CNTNAP2: variants seen among roughly 807,000 people sequenced by gnomAD.
The protein encoded by CNTNAP2 is contactin-associated protein-like 2.
Under a neutral mutation model 155.2 loss-of-function variants are expected in CNTNAP2, and 98 were observed. The ratio of observed to expected loss-of-function variants is 0.63; its 90% CI spans 0.54 to 0.75. The LOEUF (loss-of-function observed/expected upper bound fraction) is 0.75, where lower values mean the gene tolerates loss of function less well. CNTNAP2 is among the 30% of genes least tolerant of loss of function. The pLI is 0.00. For synonymous variants in CNTNAP2, 651 were observed against 631.2 expected, an observed-to-expected ratio of 1.03 and a Z score of -0.47; for missense variants, 1,727 against 1,688.1, an observed-to-expected ratio of 1.02 and a Z score of -0.40.
chr7:147,686,435 T>C (rs1476068827), intron 13 of CNTNAP2, among the ~76,000 whole-genome samples: 1 of 152,082 alleles, frequency 6.6e-6, no homozygotes, highest in East Asian at 1.9e-4. Flanking sequence ...ATTGAGTAGA[T>C]GATTGCATAT....
At chr7:146,851,442 G>A (rs1197927070) in intron 3 of CNTNAP2, among the ~76,000 whole-genome samples, 1 of 151,814 alleles carries the variant, frequency 6.6e-6, no homozygotes, top group Non-Finnish European at 1.5e-5. Flanking sequence ...AGTTTGCTAG[G>A]GCTGCCATCA....
intron 1 of CNTNAP2, among the ~76,000 whole-genome samples, chr7:146,153,392 A>G (rs113794939): frequency 0.015 from 2,325 of 152,214 alleles, 52 homozygotes; most frequent in African/African-American, 0.052. Context: ...CCAAATTTCT[A>G]TATGAAACAT....
chr7:148,000,793 G>T (rs1000292106), intron 15 of CNTNAP2, among the ~76,000 whole-genome samples: 8 of 152,208 alleles, frequency 5.3e-5, no homozygotes, highest in Admixed American at 4.6e-4. Context: ...GTCTGCCTTA[G>T]CAAATTACCA....
At chr7:147,980,957 G>C (rs954082301) in intron 15 of CNTNAP2, among the ~76,000 whole-genome samples, 1 of 120,226 alleles carries the variant, frequency 8.3e-6, no homozygotes, top group Non-Finnish European at 1.8e-5. Flanking sequence ...AAAAAAAAAA[G>C]AATGTTCTCA....
At position 147,903,604 on chromosome 7, in the gene CNTNAP2, A is replaced by G. The variant is rs766036608; in HGVS notation, c.2138A>G (p.Glu713Gly). 1.9e-5 allele frequency: 30 copies of G among 1,614,110 alleles called. 1 individual carries two copies. Among genetic ancestry groups the G allele is most frequent in the Non-Finnish European group, 2.3e-5 (27 of 1,180,026 alleles). The stretch of plus-strand genomic sequence containing the variant: ...ACTTGGTGGGTTGGCAAAGCCAACG[A>G]GAAGCACTACTACTGGGGAGGCTCT... ...PYTWWVGKAN[E>G]KHYYWGGSGP... Residue 713 changes from glutamate to glycine, a missense_variant, in exon 14 of 24, where the codon GAG becomes GGG. Glu to Gly is a moderately conservative substitution (Grantham distance 98, BLOSUM62 -2). Transcript: ENST00000361727.
chr7:147,473,282 G>C (rs1343957242), intron 10 of CNTNAP2, among the ~76,000 whole-genome samples: 1 of 152,136 alleles, frequency 6.6e-6, no homozygotes, highest in Non-Finnish European at 1.5e-5. Flanking sequence ...GGAGAGTTTT[G>C]TCATTTGTTT....
At chr7:146,749,241 C>T (rs1563215289) in intron 1 of CNTNAP2, among the ~76,000 whole-genome samples, 1 of 151,918 alleles carries the variant, frequency 6.6e-6, no homozygotes, top group East Asian at 1.9e-4. Flanking sequence ...ATATTTGTAT[C>T]TATACATATA....
intron 21 of CNTNAP2, among the ~76,000 whole-genome samples, chr7:148,298,757 T>C (rs1797328781): frequency 1.3e-5 from 2 of 152,264 alleles, no homozygotes; most frequent in South Asian, 4.1e-4. Context: ...AGTGGTACAA[T>C]CATGGCTTAC....
chr7:146,968,072 T>TG (rs1189598013), intron 3 of CNTNAP2, among the ~76,000 whole-genome samples: 1 of 150,496 alleles, frequency 6.6e-6, no homozygotes, highest in East Asian at 1.9e-4. Context: ...GATAATCATG[T>TG]GTTTTTTGTC....
At chr7:147,968,693 T>C (rs975337802) in intron 14 of CNTNAP2, among the ~76,000 whole-genome samples, 6 of 152,140 alleles carry the variant, frequency 3.9e-5, no homozygotes, top group Admixed American at 1.3e-4. Context: ...GGGTTTCCCT[T>C]TTAAGAACAT....
chr7:148,131,371 ACAGG>A (rs1388108705), intron 16 of CNTNAP2, among the ~76,000 whole-genome samples: 6 of 152,168 alleles, frequency 3.9e-5, no homozygotes, highest in African/African-American at 1.4e-4. Flanking sequence ...TGCTGGGATT[ACAGG>A]CATAAGCCAC....
At chr7:148,335,801 T>C (rs1273978515) in intron 21 of CNTNAP2, among the ~76,000 whole-genome samples, 3 of 152,260 alleles carry the variant, frequency 2.0e-5, no homozygotes, top group Non-Finnish European at 4.4e-5. Flanking sequence ...TTACTTAACA[T>C]TGCCTTAGCC....
chr7:147,267,014 A>G (rs993908129), intron 8 of CNTNAP2, among the ~76,000 whole-genome samples: 1 of 151,616 alleles, frequency 6.6e-6, no homozygotes, highest in Non-Finnish European at 1.5e-5. Context: ...CTACATATCA[A>G]ACCCATCTAC....
chr7:146,893,434 T>C (rs1372423770), intron 3 of CNTNAP2, among the ~76,000 whole-genome samples: 1 of 149,848 alleles, frequency 6.7e-6, no homozygotes, highest in Non-Finnish European at 1.5e-5. Context: ...TATACATATG[T>C]GTGTGTATGT....
intron 8 of CNTNAP2, among the ~76,000 whole-genome samples, chr7:147,135,847 C>G (rs936937382): frequency 2.0e-5 from 3 of 150,190 alleles, no homozygotes; most frequent in African/African-American, 7.3e-5. Flanking sequence ...TGGAAAACAC[C>G]GACCTGACCT....
chr7:147,209,371 T>C (rs1803090059), intron 8 of CNTNAP2, among the ~76,000 whole-genome samples: 1 of 151,980 alleles, frequency 6.6e-6, no homozygotes, highest in Non-Finnish European at 1.5e-5. Flanking sequence ...AATGAGGCCA[T>C]TTCCTTGATT....
At chr7:147,285,851 C>A (rs1460079800) in intron 8 of CNTNAP2, among the ~76,000 whole-genome samples, 1 of 151,956 alleles carries the variant, frequency 6.6e-6, no homozygotes, top group Non-Finnish European at 1.5e-5. Flanking sequence ...CAAGAGAATG[C>A]CTATATTTGG....
chr7:147,708,167 T>A (rs567265716), intron 13 of CNTNAP2, among the ~76,000 whole-genome samples: 80 of 152,270 alleles, frequency 5.3e-4, no homozygotes, highest in African/African-American at 1.7e-3. Context: ...TGGCAGCAGC[T>A]GTATACATGT....
chr7:147,312,265 T>TTTA (rs1363731357), intron 9 of CNTNAP2, among the ~76,000 whole-genome samples: 1 of 152,008 alleles, frequency 6.6e-6, no homozygotes, highest in Non-Finnish European at 1.5e-5. Flanking sequence ...TATTTTATTT[T>TTTA]TTATTATTAT....
Sources: gnomAD v4.1 joint callset for allele counts (sites outside exome capture counted in the v4.1 genomes callset) on GRCh38, gnomAD v4.1.1 for gene constraint, MANE v1.5 for transcripts, NCBI Gene and HGNC (gene_info 2026-07-23, HGNC 2026-07-21) for gene names.